The following ABCA6 variants were observed in gnomAD, a reference collection of about 807,000 sequenced individuals.
ABCA6 encodes the protein ATP binding cassette subfamily A member 6.
In ABCA6, 164 loss-of-function variants were observed where a neutral mutation model predicts 191.2. That is an observed-to-expected ratio of 0.86 (90% CI 0.76 to 0.98). The LOEUF is 0.98. Ranked by LOEUF, ABCA6 falls within the 50% of genes least tolerant of loss-of-function variation. The probability of loss-of-function intolerance (pLI) is 0.00; values close to 1 mark genes in which losing one functional copy is unlikely to be tolerated. For missense variants in ABCA6, 1,958 were observed against 1,894.1 expected (o/e 1.03, Z -0.63); for synonymous variants, 636 against 647.7 (o/e 0.98, Z 0.27).
intron 30 of ABCA6, 132 bp downstream of exon 30, chr17:69,086,486 A>AATATATATATAT (rs68086602): frequency 0.02 from 3,196 of 163,128 alleles, 60 homozygotes; most frequent in African/African-American, 0.028. Context: ...TGGCACACTA[A>AATATATATATAT]ATATATATAT....
chr17:69,132,504 G>A (rs1380316831), intron 6 of ABCA6, among the ~76,000 whole-genome samples: 1 of 152,056 alleles, frequency 6.6e-6, no homozygotes, highest in African/African-American at 2.4e-5. Context: ...TTGTTTTTAT[G>A]GAGTCTCACT....
intron 10 of ABCA6, among the ~76,000 whole-genome samples, chr17:69,121,862 T>A (rs2073653688): frequency 6.6e-6 from 1 of 152,002 alleles, no homozygotes; most frequent in Non-Finnish European, 1.5e-5. Context: ...GCCTTTCTTG[T>A]TTGGATAGAA....
chr17:69,114,740 T>C (rs1301417380), intron 13 of ABCA6, 22 bp downstream of exon 13: 9 of 1,584,950 alleles, frequency 5.7e-6, no homozygotes, highest in Non-Finnish European at 7.7e-6. Context: ...GCAGGTCAGT[T>C]AATCCAAGCA....
intron 12 of ABCA6, 42 bp downstream of exon 12, chr17:69,115,334 A>G (rs373160773): frequency 5.6e-5 from 82 of 1,454,978 alleles, no homozygotes; most frequent in Non-Finnish European, 1.0e-5. Context: ...ACCTCATTCT[A>G]TTATAAGACA....
Position 69,136,133 on chromosome 17 carries a change from A to G in ABCA6, c.419T>C (p.Phe140Ser), listed in dbSNP as rs1265418440. Residue 140 changes from phenylalanine to serine, a missense_variant, in exon 4 of 39, where the codon TTC becomes TCC. Phe to Ser is a radical substitution (Grantham distance 155, BLOSUM62 -2). Transcript: ENST00000284425. ...NETFSYKLIF[F>S]QGYNSPLWKE... is the part of the protein sequence containing the mutation. ...CCAAAGTGGACTGTTATATCCCTGGAAAAATATTAACTTATAAGAGAAAGT... is the reference window on the plus strand; with the variant it reads ...CCAAAGTGGACTGTTATATCCCTGGGAAAATATTAACTTATAAGAGAAAGT... 6.2e-7 allele frequency: 1 copy of G among 1,609,776 alleles called. No homozygotes were observed.
Position 69,106,080 on chromosome 17 carries a change from C to T in ABCA6, c.2521G>A (p.Ala841Thr). 1 of 1,613,414 alleles carries T rather than the reference C, an allele frequency of 6.2e-7. No individual in the cohort carries two copies. Among genetic ancestry groups the T allele is most frequent in the Non-Finnish European group, 8.5e-7 (1 of 1,179,670 alleles). The change falls in exon 19 of 39, where the codon GCA becomes ACA. Residue 841 changes from alanine to threonine, a missense_variant. Transcript: ENST00000284425. ...GLWRMQVFAMARLRFLKLKRQ... is the reference protein window; with the variant it reads ...GLWRMQVFAMTRLRFLKLKRQ... The stretch of plus-strand genomic sequence containing the variant: ...TTTAACTTTAAGAAACGGAGCCGTG[C>T]CATGGCAAAGACTTGCATTCTCCAG...
intron 15 of ABCA6, 44 bp downstream of exon 15, chr17:69,113,177 TC>T: frequency 6.4e-7 from 1 of 1,571,766 alleles, no homozygotes; most frequent in African/African-American, 1.4e-5. Flanking sequence ...GCTTCTAAAT[TC>T]CCCAATTGCA....
intron 4 of ABCA6, chr17:69,135,398 T>C (rs570963750): frequency 2.0e-4 from 30 of 152,502 alleles, no homozygotes; most frequent in African/African-American, 6.0e-4. Flanking sequence ...ATCTGGAGTG[T>C]TCCCCTAATT....
intron 20 of ABCA6, 73 bp downstream of exon 20, chr17:69,105,389 C>T (rs2073274428): frequency 4.3e-6 from 6 of 1,385,606 alleles, no homozygotes; most frequent in Non-Finnish European, 5.9e-6. Flanking sequence ...ATTCACTTCC[C>T]CCCCCCACCT....
At chr17:69,083,850 G>A (rs147483173) in intron 34 of ABCA6, among the ~76,000 whole-genome samples, 62 of 151,798 alleles carry the variant, frequency 4.1e-4, no homozygotes, top group African/African-American at 1.5e-3. Context: ...GAATAAACCC[G>A]AGAAAAACTG....
chr17:69,112,609 C>T (rs1456836252), intron 15 of ABCA6: 2 of 239,714 alleles, frequency 8.3e-6, no homozygotes, highest in Non-Finnish European at 1.6e-5. Flanking sequence ...AAAATGGGTA[C>T]ACATGGACAT....
chr17:69,104,208 A>G (rs2073242106), intron 20 of ABCA6: 2 of 152,136 alleles, frequency 1.3e-5, no homozygotes, highest in South Asian at 4.1e-4. Context: ...ACAAAATGGC[A>G]CAGAAGCTTC....
rs893729687 is a variant in ABCA6, at chr17:69,128,802, T to C, written c.936A>G (p.Val312=). ...ILFFLYGLSL[V]ALVFLMSVLL... is the part of the protein sequence containing the mutation. ...GCACACTCATCAGGAACACCAAAGC[T>C]ACCTGCAAGAGAGAGAAGACATTCA... The change falls in exon 8 of 39, where the codon GTA becomes GTG. Residue 312 remains valine, a splice_region_variant and synonymous_variant. Coordinates refer to ENST00000284425, the MANE Select transcript of ABCA6 (RefSeq NM_080284.3). The C allele has an allele frequency of 1.9e-6, 3 of 1,588,878 alleles. No individual in the cohort carries two copies. The highest frequency in any genetic ancestry group is 4.5e-5 in the East Asian group (2 of 44,018).
chr17:69,130,836 A>G (rs1044011714), intron 6 of ABCA6, among the ~76,000 whole-genome samples: 4 of 152,206 alleles, frequency 2.6e-5, no homozygotes, highest in African/African-American at 9.6e-5. Flanking sequence ...TCTCTTTCGT[A>G]GTAGAAAATT....
At chr17:69,111,054 C>A in intron 16 of ABCA6, 114 bp from the exon 17 acceptor site, 2 of 963,238 alleles carry the variant, frequency 2.1e-6, no homozygotes, top group Admixed American at 3.0e-5. Flanking sequence ...CTTTATGGAA[C>A]AAAAAGATGA....
At chr17:69,132,831 C>T (rs959674558) in intron 6 of ABCA6, among the ~76,000 whole-genome samples, 1 of 151,992 alleles carries the variant, frequency 6.6e-6, no homozygotes, top group African/African-American at 2.4e-5. Flanking sequence ...TATTATGACA[C>T]AAATACATAT....
chr17:69,113,695 C>T lies in ABCA6; in HGVS notation c.1825G>A (p.Asp609Asn). The change falls in exon 14 of 39, where the codon GAT (aspartate) becomes AAT (asparagine). Residue 609 changes from aspartate to asparagine, a missense_variant. By Grantham distance (23) the Asp-to-Asn change is conservative. Coordinates refer to ENST00000284425, the MANE Select transcript of ABCA6 (RefSeq NM_080284.3). ...LLELDMQNIQDNLAKHLSEGQ... is the reference protein window; with the variant it reads ...LLELDMQNIQNNLAKHLSEGQ... ...TCACTTAAATGTTTAGCAAGGTTAT[C>T]TTGAATGTTTTGCATGTCCAATTCC... is the stretch of plus-strand genomic sequence containing the variant. 1 of 1,612,800 alleles carries T rather than the reference C, an allele frequency of 6.2e-7. No homozygotes were observed. Among genetic ancestry groups the T allele is most frequent in the Non-Finnish European group, 8.5e-7 (1 of 1,179,234 alleles).
Position 69,087,365 on chromosome 17 carries a change from T to G in ABCA6, c.3807A>C (p.Ser1269=). The change falls in exon 29 of 39, where the codon TCA becomes TCC. Residue 1269 remains serine (S), a synonymous_variant. Transcript: ENST00000284425. ...CTTGCTTTTTTACCTCATCTAAGAT[T>G]GAAGTGGTCAGAGCAGTGGCTGTTC... ...RIRTATALTT[S]ILDEKPVIIA... is the part of the protein sequence containing the mutation. 6.2e-7 allele frequency: 1 copy of G among 1,613,608 alleles called. No homozygotes were observed. The highest frequency in any genetic ancestry group is 8.5e-7 in the Non-Finnish European group (1 of 1,179,758).
intron 27 of ABCA6, among the ~76,000 whole-genome samples, chr17:69,088,674 C>A (rs1285486431): frequency 6.6e-6 from 1 of 152,154 alleles, no homozygotes; most frequent in African/African-American, 2.4e-5. Flanking sequence ...TAAGCCTGAA[C>A]TTATCACTGT....
Sources: allele counts gnomAD v4.1 joint callset (sites outside exome capture counted in the v4.1 genomes callset), GRCh38; gene constraint gnomAD v4.1.1; transcripts MANE v1.5; gene names NCBI Gene and HGNC (gene_info 2026-07-23, HGNC 2026-07-21).